The following DDX11 variants were observed in gnomAD, a reference collection of about 807,000 sequenced individuals.
DDX11 encodes the protein ATP-dependent DNA helicase DDX11.
Under a neutral mutation model 125.2 loss-of-function variants are expected in DDX11, and 72 were observed. The ratio of observed to expected loss-of-function variants is 0.58; its 90% CI spans 0.48 to 0.70. The LOEUF (loss-of-function observed/expected upper bound fraction) is 0.70, where lower values mean the gene tolerates loss of function less well. Ranked by LOEUF, DDX11 falls within the 30% of genes least tolerant of loss-of-function variation. DDX11 has a pLI of 0.00. For missense variants in DDX11, 883 were observed against 1,165.0 expected (o/e 0.76, Z 3.52); for synonymous variants, 347 against 452.6 (o/e 0.77, Z 2.96).
Position 31,094,634 on chromosome 12 carries a change from G to A in DDX11, c.1414G>A (p.Gly472Arg). 1 of 1,565,848 alleles carries A rather than the reference G, an allele frequency of 6.4e-7. No individual in the cohort carries two copies. The highest frequency in any genetic ancestry group is 8.7e-7 in the Non-Finnish European group (1 of 1,155,570). Residue 472 changes from glycine to arginine, a missense_variant and splice_region_variant, in exon 13 of 27, where the codon GGG becomes AGG. Physicochemically the swap from Gly to Arg is moderately radical, Grantham distance 125. Transcript: ENST00000542838. Reference protein sequence around the residue: ...NPNTQSLSQTGTELKTINDFL... With the variant: ...NPNTQSLSQTRTELKTINDFL... The stretch of plus-strand genomic sequence containing the variant: ...CAATACACAGAGTCTGTCACAGACA[G>A]GTAAGAGAGTTGCCCTCAGAGGGCC...
At position 31,103,638 on chromosome 12, in the gene DDX11, C is replaced by T. The variant is rs1033854052; in HGVS notation, c.2598C>T (p.Ala866=). ...TAGTGCTCCTGGACCAGCGATATGC[C>T]CGGCCCCCTGTCCTGGCCAAGCTGC... The part of the protein sequence containing the change: ...ASVVLLDQRY[A]RPPVLAKLPA... The change falls in exon 26 of 27, where the codon GCC becomes GCT. Residue 866 remains alanine, a synonymous_variant. Transcript: ENST00000542838. 1 of 1,614,096 alleles carries T rather than the reference C, an allele frequency of 6.2e-7. No individual in the cohort carries two copies. Among genetic ancestry groups the T allele is most frequent in the Non-Finnish European group, 8.5e-7 (1 of 1,180,018 alleles).
At chr12:31,084,739 C>T (rs373461605) in intron 4 of DDX11, 70 bp downstream of exon 4, 63 of 1,444,268 alleles carry the variant, frequency 4.4e-5, no homozygotes, top group East Asian at 1.7e-4. Flanking sequence ...CTCATGGGTG[C>T]GTGGTCAGGG....
rs1457483963 is a variant in DDX11 at position 31,100,918 on chromosome 12, G to A, written c.1949-109G>A. 3.7e-5 allele frequency: 43 copies of A among 1,172,568 alleles called. 1 individual carries two copies. In the Admixed American group the frequency reaches 6.9e-4, roughly 19 times the overall value. The allele number at this position is 1,172,568 out of a possible 1,614,324, so 72.6% of individuals were successfully genotyped here. On this transcript the variant is annotated intron_variant, in intron 19 of 26. Coordinates refer to ENST00000542838, the MANE Select transcript of DDX11 (RefSeq NM_030653.4). ...TGGTGATGGTGGGCGGGTGAGCGCTGTCAGTCGCTGTTCCTGTGCTGGATG... is the reference window on the plus strand; with the variant it reads ...TGGTGATGGTGGGCGGGTGAGCGCTATCAGTCGCTGTTCCTGTGCTGGATG...
At chr12:31,097,449 G>A (rs912473972) in intron 17 of DDX11, among the ~76,000 whole-genome samples, 2 of 35,080 alleles carry the variant, frequency 5.7e-5, no homozygotes, top group African/African-American at 2.3e-4. Flanking sequence ...GGAGGCTGAG[G>A]GGGGGCGGAT....
At chr12:31,101,799 G>A (rs1431739806) in intron 20 of DDX11, 34 bp from the exon 21 acceptor site, 2 of 1,613,690 alleles carry the variant, frequency 1.2e-6, no homozygotes, top group South Asian at 2.2e-5. Flanking sequence ...GTTGCTCCAT[G>A]GGGGCTCCCT....
At chr12:31,099,208 C>T (rs1158089425) in intron 18 of DDX11, among the ~76,000 whole-genome samples, 1 of 150,810 alleles carries the variant, frequency 6.6e-6, no homozygotes, top group African/African-American at 2.5e-5. Context: ...ATGCCTCAAC[C>T]TCCTGAGTAG....
At chr12:31,079,684 T>G (rs1941474572) in intron 2 of DDX11, among the ~76,000 whole-genome samples, 1 of 152,086 alleles carries the variant, frequency 6.6e-6, no homozygotes, top group African/African-American at 2.4e-5. Flanking sequence ...ATGGGCAGTC[T>G]CACTATGTGG....
chr12:31,103,843 A>G lies in DDX11; in HGVS notation c.*7A>G, dbSNP rs528419376. ...GAAGTCGGCCTCTTCCTGATGGGCA[A>G]CCACACCACTGCCTGGCGCCGTGCC... On this transcript the variant is annotated 3_prime_UTR_variant, in exon 27 of 27. Transcript: ENST00000542838. 1.1e-5 allele frequency: 18 copies of G among 1,613,658 alleles called. No individual in the cohort carries two copies. The highest frequency in any genetic ancestry group is 1.3e-5 in the African/African-American group (1 of 74,840).
Position 31,102,960 on chromosome 12 carries a change from C to G in DDX11, c.2397C>G (p.Pro799=). ...LGRCVVMVGM[P]FPNIRSAELQ... ...GGTGTGTGGTGATGGTGGGCATGCC[C>G]TTCCCCAACATCAGGTCTGCAGAGC... Residue 799 remains proline, a synonymous_variant, in exon 24 of 27, where the codon CCC becomes CCG. Coordinates refer to ENST00000542838, the MANE Select transcript of DDX11 (RefSeq NM_030653.4). The G allele has an allele frequency of 6.2e-7, 1 of 1,613,996 alleles. No individual in the cohort carries two copies. The highest frequency in any genetic ancestry group is 1.7e-4 in the Middle Eastern group (1 of 6,056).
At chr12:31,097,184 A>T (rs1458688620) in intron 17 of DDX11, among the ~76,000 whole-genome samples, 194 bp downstream of exon 17, 1 of 146,054 alleles carries the variant, frequency 6.8e-6, no homozygotes, top group Non-Finnish European at 1.5e-5. Flanking sequence ...AAGGGCTGGG[A>T]TGGGGGTCCC....
At chr12:31,099,080 CTTTCTTTT>C (rs1232027540) in intron 18 of DDX11, among the ~76,000 whole-genome samples, 7 of 81,320 alleles carry the variant, frequency 8.6e-5, no homozygotes, top group Non-Finnish European at 1.3e-4. Flanking sequence ...TTCTTTCTTT[CTTTCTTTT>C]TTTTTTTTTT....
Position 31,089,472 on chromosome 12 carries a change from A to C in DDX11, c.862A>C (p.Met288Leu). ...GCTTATCAACGACCGCTGTGTGGAC[A>C]TGCAGAGAAGCAGGCACGGTAGCCA... ...VQLINDRCVD[M>L]QRSRHEKKKG... is the part of the protein sequence containing the mutation. The change falls in exon 8 of 27, where the codon ATG (methionine) becomes CTG (leucine). Residue 288 changes from methionine (M) to leucine (L), a missense_variant. Met to Leu is a conservative substitution (Grantham distance 15, BLOSUM62 2). Transcript: ENST00000542838. 3.1e-6 allele frequency: 5 copies of C among 1,613,930 alleles called. No homozygotes were observed. The South Asian group carries it at 5.5e-5, about 18-fold the overall frequency.
At chr12:31,075,137 C>T (rs1400780611) in intron 1 of DDX11, among the ~76,000 whole-genome samples, 1 of 152,188 alleles carries the variant, frequency 6.6e-6, no homozygotes, top group Non-Finnish European at 1.5e-5. Context: ...TTGTCCTCCA[C>T]ACAGCCAACC....
Position 31,096,758 on chromosome 12 carries a change from G to A in DDX11, c.1630+13G>A, listed in dbSNP as rs1381264417. ...AGGACGACTGAAGGTGAGGCAGGAG[G>A]GTGGGCAGGCAGAGCCGGCTGCACG... is the stretch of plus-strand genomic sequence containing the variant. On this transcript the variant is annotated intron_variant, in intron 16 of 26. Transcript: ENST00000542838. 6.2e-6 allele frequency: 10 copies of A among 1,614,194 alleles called. No homozygotes were observed. Among genetic ancestry groups the A allele is most frequent in the East Asian group, 2.2e-5 (1 of 44,876 alleles).
Position 31,085,015 on chromosome 12 carries a change from A to C in DDX11, c.527A>C (p.Glu176Ala). Reference sequence around the variant, plus strand: ...GAGAATCTCCTCCGCCTCAGCAGGGAGATGCTAGAGACAGGCCCGGAGGCT... The same window carrying C: ...GAGAATCTCCTCCGCCTCAGCAGGGCGATGCTAGAGACAGGCCCGGAGGCT... Reference protein sequence around the residue: ...ERENLLRLSREMLETGPEAER... With the variant: ...ERENLLRLSRAMLETGPEAER... The change falls in exon 5 of 27, where the codon GAG (glutamate) becomes GCG (alanine). Residue 176 changes from glutamate (E) to alanine (A), a missense_variant. Transcript: ENST00000542838. 1 of 1,611,684 alleles carries C rather than the reference A, an allele frequency of 6.2e-7. No individual in the cohort carries two copies. Among genetic ancestry groups the C allele is most frequent in the Non-Finnish European group, 8.5e-7 (1 of 1,178,790 alleles).
At chr12:31,079,522 AAAAC>A (rs1941425523) in intron 2 of DDX11, among the ~76,000 whole-genome samples, 1 of 141,322 alleles carries the variant, frequency 7.1e-6, no homozygotes, top group Non-Finnish European at 1.5e-5. Context: ...GAGGAGGAGA[AAAAC>A]AAATCTTTGG....
At chr12:31,087,684 G>A (rs1011521630) in intron 5 of DDX11, 29 of 589,646 alleles carry the variant, frequency 4.9e-5, no homozygotes, top group Middle Eastern at 4.6e-4. Context: ...CGAGGCTTCC[G>A]ACTCAAGACT....
chr12:31,089,236 G>GCT (rs1565878769), intron 7 of DDX11, 85 bp downstream of exon 7: 1 of 1,409,192 alleles, frequency 7.1e-7, no homozygotes, highest in East Asian at 2.3e-5. Context: ...CTTGGGAGAC[G>GCT]CTGGGTCTGT....
rs1207131973 is a variant in DDX11 at position 31,084,607 on chromosome 12, C to T, written c.418C>T (p.Arg140Ter). The change falls in exon 4 of 27, where the codon CGA (arginine) becomes TGA (stop). Residue 140 changes from arginine to a stop codon, truncating the protein, a stop_gained. Coordinates refer to ENST00000542838, the MANE Select transcript of DDX11 (RefSeq NM_030653.4). LOFTEE classifies it high-confidence loss of function. Reference protein sequence around the residue: ...LKAEQARRKQREERLQQLQHR... With the variant: ...LKAEQARRKQ Reference sequence around the variant, plus strand: ...GGCGGAGCAGGCCAGGAGGAAGCAGCGAGAAGAACGCCTGCAGCAGCTGCA... The same window carrying T: ...GGCGGAGCAGGCCAGGAGGAAGCAGTGAGAAGAACGCCTGCAGCAGCTGCA... 1.8e-5 allele frequency: 28 copies of T among 1,597,956 alleles called. No individual in the cohort carries two copies. The highest frequency in any genetic ancestry group is 2.3e-5 in the Non-Finnish European group (27 of 1,171,050).
Sources: gnomAD v4.1 joint callset for allele counts (sites outside exome capture counted in the v4.1 genomes callset) on GRCh38, gnomAD v4.1.1 for gene constraint, MANE v1.5 for transcripts, NCBI Gene and HGNC (gene_info 2026-07-23, HGNC 2026-07-21) for gene names.